LRBA: variants seen among roughly 807,000 people sequenced by gnomAD.
LRBA encodes the protein LPS responsive beige-like anchor protein.
In LRBA, 176 loss-of-function variants were observed where a neutral mutation model predicts 330.0. The ratio of observed to expected loss-of-function variants is 0.53; its 90% CI spans 0.47 to 0.60. The LOEUF is 0.60. Ranked by LOEUF, LRBA falls within the 20% of genes least tolerant of loss-of-function variation. The probability of loss-of-function intolerance (pLI) is 0.00; values close to 1 mark genes in which losing one functional copy is unlikely to be tolerated. For missense variants in LRBA, 3,259 were observed against 3,444.8 expected (o/e 0.95, Z 1.35); for synonymous variants, 1,230 against 1,193.0 (o/e 1.03, Z -0.64).
rs140056412 is a variant in LRBA at position 150,922,630 on chromosome 4, C to T, written c.550-1337G>A. Among the ~76,000 whole-genome samples the T allele has an allele frequency of 3.7e-4, 56 of 151,798 alleles. No individual in the cohort carries two copies. In the East Asian group the frequency reaches 4.9e-3, roughly 13 times the overall value. On this transcript the variant is annotated intron_variant, in intron 4 of 56. Transcript: ENST00000651943. ...GGGGACTTGGGGTAAGAGTGGGAGGCGGGTGAGAGATAAAAGTCTACAAAT... is the reference window on the plus strand; with the variant it reads ...GGGGACTTGGGGTAAGAGTGGGAGGTGGGTGAGAGATAAAAGTCTACAAAT...
intron 50 of LRBA, among the ~76,000 whole-genome samples, chr4:150,318,374 T>C (rs1156306028): frequency 6.6e-6 from 1 of 152,088 alleles, no homozygotes; most frequent in Non-Finnish European, 1.5e-5. Flanking sequence ...CTCAAAGAAC[T>C]GAGGGGAACC....
At chr4:150,729,069 C>T (rs1178833341) in intron 36 of LRBA, among the ~76,000 whole-genome samples, 1 of 152,122 alleles carries the variant, frequency 6.6e-6, no homozygotes, top group African/African-American at 2.4e-5. Context: ...TCTATAATCC[C>T]AGCACTTTGT....
intron 40 of LRBA, among the ~76,000 whole-genome samples, chr4:150,499,556 C>T (rs1759993004): frequency 6.6e-6 from 1 of 152,004 alleles, no homozygotes; most frequent in Non-Finnish European, 1.5e-5. Flanking sequence ...GGGAGGACTG[C>T]TCGAGCCCAG....
At chr4:150,273,046 A>G (rs1746331703) in intron 56 of LRBA, among the ~76,000 whole-genome samples, 1 of 152,226 alleles carries the variant, frequency 6.6e-6, no homozygotes, top group Admixed American at 6.5e-5. Context: ...AAAAATTGTT[A>G]AGGGCAGCCA....
At chr4:150,435,521 A>G in intron 46 of LRBA, 68 bp downstream of exon 46, 1 of 1,499,764 alleles carries the variant, frequency 6.7e-7, no homozygotes, top group South Asian at 1.3e-5. Flanking sequence ...CAGTAGAGAA[A>G]ATTTTCAACA....
At position 150,713,614 on chromosome 4, in the gene LRBA, CT is replaced by C. The variant is rs1225323311; in HGVS notation, c.5754+21643del. On this transcript the variant is annotated intron_variant, in intron 36 of 56. Coordinates refer to ENST00000651943, the MANE Select transcript of LRBA (RefSeq NM_001364905.1). Reference sequence around the variant, plus strand: ...AAATTTGTGTTTTAACAATATTTGTCTAATAAGTGAAGTAAATTTTTATGCA... The same window carrying C: ...AAATTTGTGTTTTAACAATATTTGTCAATAAGTGAAGTAAATTTTTATGCA... 2.0e-5 allele frequency among the ~76,000 whole-genome samples: 3 copies of C among 152,170 alleles called. No individual in the cohort carries two copies. In the East Asian group the frequency reaches 5.8e-4, roughly 29 times the overall value.
chr4:150,454,722 C>T (rs1051795506), intron 44 of LRBA, among the ~76,000 whole-genome samples: 3 of 151,982 alleles, frequency 2.0e-5, no homozygotes, highest in African/African-American at 7.3e-5. Flanking sequence ...TTTCATCCCT[C>T]GCCTTCCCCC....
intron 37 of LRBA, among the ~76,000 whole-genome samples, chr4:150,619,405 A>G (rs1776089434): frequency 6.6e-6 from 1 of 152,166 alleles, no homozygotes; most frequent in Admixed American, 6.5e-5. Context: ...AAAGCTTAAC[A>G]CCTGTTTAAC....
At chr4:150,967,017 T>C (rs1411884817) in intron 2 of LRBA, among the ~76,000 whole-genome samples, 1 of 152,244 alleles carries the variant, frequency 6.6e-6, no homozygotes, top group African/African-American at 2.4e-5. Flanking sequence ...ATTTGAGATC[T>C]ACTATTTACT....
In LRBA at chr4:150,285,965, G is replaced by T; in HGVS notation, c.8087C>A (p.Ala2696Glu). 6.3e-7 allele frequency: 1 copy of T among 1,596,416 alleles called. No homozygotes were observed. The highest frequency in any genetic ancestry group is 8.5e-7 in the Non-Finnish European group (1 of 1,172,216). Residue 2696 changes from alanine to glutamate, a missense_variant, in exon 54 of 57, where the codon GCG becomes GAG. Ala to Glu is a moderately radical substitution (Grantham distance 107). Transcript: ENST00000651943. ...ACCACTCAACACCAGGCCTAGCTCC[G>T]CACACACCGCAGCACATGTGACCTC... ...DYEVTCAAVC[A>E]ELGLVLSGSQ...
chr4:150,632,207 G>A (rs891944795), intron 37 of LRBA, among the ~76,000 whole-genome samples: 7 of 148,654 alleles, frequency 4.7e-5, no homozygotes, highest in Non-Finnish European at 1.0e-4. Flanking sequence ...CTCCAGCCTG[G>A]GAGACAGAGT....
chr4:150,798,123 C>A lies in LRBA; in HGVS notation c.5538G>T (p.Ser1846=). 1 of 1,606,846 alleles carries A rather than the reference C, an allele frequency of 6.2e-7. No homozygotes were observed. The highest frequency in any genetic ancestry group is 1.1e-5 in the South Asian group (1 of 90,862). Reference sequence around the variant, plus strand: ...TAACCAATTCCACAACTGAACTACTCGACTTCATGCAAACCAGACCTATTT... The same window carrying A: ...TAACCAATTCCACAACTGAACTACTAGACTTCATGCAAACCAGACCTATTT... ...IEGTSLVCMK[S]SSSVVELVML... The change falls in exon 34 of 57, where the codon TCG becomes TCT. Residue 1846 remains serine, a synonymous_variant. Transcript: ENST00000651943.
chr4:150,525,030 C>T (rs1395388537), intron 40 of LRBA, among the ~76,000 whole-genome samples: 1 of 152,066 alleles, frequency 6.6e-6, no homozygotes, highest in Non-Finnish European at 1.5e-5. Context: ...AGTTTGGGAA[C>T]TCTTTAATCA....
chr4:150,779,890 A>G lies in LRBA; in HGVS notation c.5581-18043T>C, dbSNP rs1578756995. Among the ~76,000 whole-genome samples, 4 of 152,324 alleles carry G rather than the reference A, an allele frequency of 2.6e-5. No individual in the cohort carries two copies. The South Asian group carries it at 6.2e-4, about 24-fold the overall frequency. Reference sequence around the variant, plus strand: ...ATCTAAAGAAAACAGATTACAAATGATTTATATGAATGCCTAGTGGTGAAG... The same window carrying G: ...ATCTAAAGAAAACAGATTACAAATGGTTTATATGAATGCCTAGTGGTGAAG... On this transcript the variant is annotated intron_variant, in intron 34 of 56. Coordinates refer to ENST00000651943, the MANE Select transcript of LRBA (RefSeq NM_001364905.1).
chr4:150,291,105 C>G (rs953054630), intron 53 of LRBA, among the ~76,000 whole-genome samples: 1 of 113,188 alleles, frequency 8.8e-6, no homozygotes, highest in Admixed American at 1.0e-4. Context: ...ATCCCTCCCC[C>G]CTCCCCCCAC....
chr4:150,820,230 G>C (rs1745222076), intron 30 of LRBA, among the ~76,000 whole-genome samples: 1 of 151,908 alleles, frequency 6.6e-6, no homozygotes, highest in Non-Finnish European at 1.5e-5. Context: ...GTAAATGGTA[G>C]AACTACCATG....
At chr4:151,007,145 T>C (rs964787852) in intron 2 of LRBA, among the ~76,000 whole-genome samples, 1 of 152,244 alleles carries the variant, frequency 6.6e-6, no homozygotes, top group African/African-American at 2.4e-5. Context: ...CTTACATTTA[T>C]GCTCAACTGA....
In LRBA at chr4:150,852,193, C is replaced by G; in HGVS notation, c.3517G>C (p.Asp1173His). 1 of 1,614,134 alleles carries G rather than the reference C, an allele frequency of 6.2e-7. No homozygotes were observed. The highest frequency in any genetic ancestry group is 8.5e-7 in the Non-Finnish European group (1 of 1,180,014). Residue 1173 changes from aspartate (D) to histidine (H), a missense_variant, in exon 23 of 57, where the codon GAT becomes CAT. Physicochemically the swap from Asp to His is moderately conservative, Grantham distance 81 (BLOSUM62 -1). Transcript: ENST00000651943. Reference sequence around the variant, plus strand: ...GTCTGAATTCCAGAATCTTTAGAATCTTGAGTTTCAGTATCAGTTTGCTTT... The same window carrying G: ...GTCTGAATTCCAGAATCTTTAGAATGTTGAGTTTCAGTATCAGTTTGCTTT... The part of the protein sequence containing the change: ...TEKQTDTETQ[D>H]SKDSGIQTMT...
At chr4:150,706,758 G>T (rs574219270) in intron 36 of LRBA, among the ~76,000 whole-genome samples, 46 of 151,664 alleles carry the variant, frequency 3.0e-4, no homozygotes, top group African/African-American at 1.1e-3. Flanking sequence ...TAAGAAAAGA[G>T]ACACAATCAA....
Sources: allele counts gnomAD v4.1 joint callset (sites outside exome capture counted in the v4.1 genomes callset), GRCh38; gene constraint gnomAD v4.1.1; transcripts MANE v1.5; gene names NCBI Gene and HGNC (gene_info 2026-07-23, HGNC 2026-07-21).